The following CFAP46 variants were observed in gnomAD, a reference collection of about 807,000 sequenced individuals.
CFAP46 encodes cilia- and flagella-associated protein 46.
Under a neutral mutation model 325.7 loss-of-function variants are expected in CFAP46, and 245 were observed. The ratio of observed to expected loss-of-function variants is 0.75; its 90% CI spans 0.68 to 0.84. CFAP46 has a LOEUF of 0.84. Among genes scored for constraint, CFAP46 ranks in the 40% least tolerant of loss-of-function variants. The pLI, the probability that CFAP46 is intolerant of heterozygous loss-of-function variation, is 0.00. For missense variants in CFAP46, 3,346 were observed against 3,543.0 expected, an observed-to-expected ratio of 0.94 and a Z score of 1.41; for synonymous variants, 1,523 against 1,495.9, an observed-to-expected ratio of 1.02 and a Z score of -0.42.
At chr10:132,879,279 G>T in intron 29 of CFAP46, 147 bp downstream of exon 29, 1 of 755,314 alleles carries the variant, frequency 1.3e-6, no homozygotes, top group Non-Finnish European at 2.0e-6. Flanking sequence ...GAATCTGGAT[G>T]TCGCAGGAAA....
intron 25 of CFAP46, among the ~76,000 whole-genome samples, chr10:132,888,315 ACCTTCACCCCTGCCG>A (rs1849197500): frequency 8.7e-6 from 1 of 114,400 alleles, no homozygotes; most frequent in Admixed American, 8.1e-5. Context: ...TACCCCTGCC[ACCTTCACCCCTGCCG>A]CCTGCACCTG....
rs1044686929 is a variant in CFAP46 at position 132,916,611 on chromosome 10, G to A, written c.2058C>T (p.Ser686=). The A allele has an allele frequency of 1.3e-6, 2 of 1,545,418 alleles. No homozygotes were observed. Among genetic ancestry groups the A allele is most frequent in the Non-Finnish European group, 8.7e-7 (1 of 1,144,564 alleles). ...CAGGCACGTAGCCAGCTGGGTGCTG[G>A]CTCAGGTCTTCGGGGGGGATGGCCC... ...NDRAIPPEDL[S]QHPAGYVPEP... is the part of the protein sequence containing the mutation. Residue 686 remains serine (S), a synonymous_variant, in exon 17 of 58, where the codon AGC becomes AGT. Coordinates refer to ENST00000368586, the MANE Select transcript of CFAP46 (RefSeq NM_001200049.3).
Position 132,810,965 on chromosome 10 carries a change from C to T in CFAP46, c.7568G>A (p.Ser2523Asn), listed in dbSNP as rs1362117180. The part of the protein sequence containing the change: ...SYQSLKRHME[S>N]VEHRRSVGRW... ...AGCCAGGCACCTCCTGTGCTCCACG[C>T]TCTCCATGTGCCTCTTCAAGCTCTG... Residue 2523 changes from serine to asparagine, a missense_variant, in exon 56 of 58, where the codon AGC becomes AAC. By Grantham distance (46) the Ser-to-Asn change is conservative. Coordinates refer to ENST00000368586, the MANE Select transcript of CFAP46 (RefSeq NM_001200049.3). The T allele has an allele frequency of 5.0e-6, 8 of 1,604,314 alleles. No homozygotes were observed. The highest frequency in any genetic ancestry group is 6.8e-6 in the Non-Finnish European group (8 of 1,175,532).
chr10:132,910,714 CT>C (rs1484799589), intron 19 of CFAP46, among the ~76,000 whole-genome samples: 1 of 152,216 alleles, frequency 6.6e-6, no homozygotes, highest in Non-Finnish European at 1.5e-5. Flanking sequence ...CTCTCGCTGC[CT>C]TGTGAACACC....
rs996875879 is a variant in CFAP46, at chr10:132,886,555, C to T, written c.3305-596G>A. Among the ~76,000 whole-genome samples the T allele has an allele frequency of 5.9e-5, 9 of 152,176 alleles. No individual in the cohort carries two copies. Among genetic ancestry groups the T allele is most frequent in the Non-Finnish European group, 7.4e-5 (5 of 68,014 alleles). ...TGGGCCATCAGTGCCCCCAAATGCA[C>T]GAAGCCAGCAGGGTGGATCCTGGTG... On this transcript the variant is annotated intron_variant, in intron 25 of 57. Transcript: ENST00000368586. This position sits in a 1 kb window ranked among gnomAD's most constrained non-coding sequence, Gnocchi z 5.8.
chr10:132,842,159 T>C (rs559995128), intron 44 of CFAP46, among the ~76,000 whole-genome samples: 4 of 152,360 alleles, frequency 2.6e-5, no homozygotes, highest in African/African-American at 9.6e-5. Context: ...GTGTAGTGGT[T>C]AGAAGTAGCC....
Position 132,912,823 on chromosome 10 carries a change from G to A in CFAP46, c.2334-3C>T, listed in dbSNP as rs989028069. The A allele has an allele frequency of 4.6e-5, 71 of 1,548,020 alleles. 1 individual carries two copies. The highest frequency in any genetic ancestry group is 5.7e-5 in the Non-Finnish European group (65 of 1,146,532). ...GCGTCACCAGCATCACGGGGTCCCT[G>A]GGAGACATGCTTGTCAGAGGGAACC... On this transcript the variant is annotated splice_region_variant and splice_polypyrimidine_tract_variant and intron_variant, in intron 18 of 57. Transcript: ENST00000368586.
At position 132,877,178 on chromosome 10, in the gene CFAP46, G is replaced by A. The variant is rs185646774; in HGVS notation, c.4213-217C>T. Among the ~76,000 whole-genome samples, 252 of 152,318 alleles carry A rather than the reference G, an allele frequency of 1.7e-3. No individual in the cohort carries two copies. Among genetic ancestry groups the A allele is most frequent in the African/African-American group, 5.1e-3 (213 of 41,578 alleles). On this transcript the variant is annotated intron_variant, in intron 30 of 57. Transcript: ENST00000368586. This position sits in a 1 kb window ranked among gnomAD's most constrained non-coding sequence, Gnocchi z 5.7. Reference sequence around the variant, plus strand: ...TCTGCCCCGTGCACAGCCAGAGTTGGCCTGGGGGTGCCCAGGCTCAGGACT... The same window carrying A: ...TCTGCCCCGTGCACAGCCAGAGTTGACCTGGGGGTGCCCAGGCTCAGGACT...
chr10:132,872,963 A>G, intron 31 of CFAP46, 139 bp from the exon 32 acceptor site: 1 of 922,504 alleles, frequency 1.1e-6, no homozygotes, highest in African/African-American at 1.6e-5. Context: ...GCGTGTCCGC[A>G]CACAGCAGGT....
intron 50 of CFAP46, among the ~76,000 whole-genome samples, chr10:132,831,790 A>G (rs934658044): frequency 6.6e-6 from 1 of 151,472 alleles, no homozygotes; most frequent in Non-Finnish European, 1.5e-5. Context: ...TATTTTTCCT[A>G]TCTGTTCTCT....
chr10:132,885,462 T>C (rs552592889), intron 26 of CFAP46, among the ~76,000 whole-genome samples, 176 bp from the exon 27 acceptor site: 5 of 151,600 alleles, frequency 3.3e-5, no homozygotes, highest in Non-Finnish European at 5.9e-5. Flanking sequence ...AGCGGGGGCC[T>C]CGGGGCTATG....
chr10:132,845,835 G>A (rs747334464), intron 44 of CFAP46, among the ~76,000 whole-genome samples: 7 of 152,144 alleles, frequency 4.6e-5, no homozygotes, highest in Admixed American at 6.5e-5. Flanking sequence ...CAACCTCACC[G>A]CACCCACCAC....
rs546778779 is a variant in CFAP46 at position 132,856,986 on chromosome 10, G to A, written c.5574+604C>T. Among the ~76,000 whole-genome samples the A allele has an allele frequency of 2.4e-4, 37 of 152,282 alleles. No individual in the cohort carries two copies. The South Asian group carries it at 5.4e-3, about 22-fold the overall frequency. On this transcript the variant is annotated intron_variant, in intron 39 of 57. Transcript: ENST00000368586. The stretch of plus-strand genomic sequence containing the variant: ...AGGGTCTCTCAGGCAGGTCTGGAGC[G>A]GGGCTCACCCAGGCCTAATGACCCC...
At chr10:132,915,948 T>C (rs1392409575) in intron 17 of CFAP46, among the ~76,000 whole-genome samples, 2 of 152,236 alleles carry the variant, frequency 1.3e-5, no homozygotes, top group East Asian at 3.8e-4. Context: ...AAATATTTAA[T>C]TTTATATTAA....
chr10:132,857,191 G>A (rs192702251), intron 39 of CFAP46, among the ~76,000 whole-genome samples: 5 of 152,172 alleles, frequency 3.3e-5, no homozygotes, highest in African/African-American at 9.7e-5. Flanking sequence ...GGACACTCCG[G>A]GGCCTCCCTC....
chr10:132,864,611 G>A lies in CFAP46; in HGVS notation c.4890+1414C>T, dbSNP rs111304385. Among the ~76,000 whole-genome samples, 78 of 50,486 alleles carry A rather than the reference G, an allele frequency of 1.5e-3. 1 individual carries two copies. Among genetic ancestry groups the A allele is most frequent in the Non-Finnish European group, 1.8e-3 (52 of 28,626 alleles). The allele number at this position is 50,486 out of a possible 152,430, so 33.1% of individuals were successfully genotyped here. On this transcript the variant is annotated intron_variant, in intron 35 of 57. Transcript: ENST00000368586. ...TGAGACCTGCACACACCTGCCCTCA[G>A]TGCCCGAGACTTGCACACACCTGTC...
At chr10:132,824,560 CTGTG>C (rs1219636142) in intron 50 of CFAP46, among the ~76,000 whole-genome samples, 1 of 91,828 alleles carries the variant, frequency 1.1e-5, no homozygotes, top group Non-Finnish European at 2.0e-5. Flanking sequence ...CTGATGTGTG[CTGTG>C]TGTGTGCTGT....
At chr10:132,842,099 C>T (rs1848355335) in intron 44 of CFAP46, among the ~76,000 whole-genome samples, 1 of 152,210 alleles carries the variant, frequency 6.6e-6, no homozygotes, top group Non-Finnish European at 1.5e-5. Context: ...GCTCACTTTT[C>T]TTTTGATGAT....
chr10:132,922,624 CT>C lies in CFAP46; in HGVS notation c.1340del (p.Glu447GlyfsTer67). 3 of 1,549,748 alleles carry C rather than the reference CT, an allele frequency of 1.9e-6. No individual in the cohort carries two copies. The highest frequency in any genetic ancestry group is 1.4e-5 in the African/African-American group (1 of 73,192). ...EDEDRLEPAT[E>X]HLRKAARLDS... ...CCAGGCGCGCGGCTTTCCGGAGGTG[CT>C]CCGTGGCGGGCTCCAGCCGGTCCTC... On this transcript the variant is annotated frameshift_variant, in exon 12 of 58. Coordinates refer to ENST00000368586, the MANE Select transcript of CFAP46 (RefSeq NM_001200049.3). LOFTEE classifies it high-confidence loss of function.
Sources: allele counts gnomAD v4.1 joint callset (sites outside exome capture counted in the v4.1 genomes callset), GRCh38; gene constraint gnomAD v4.1.1; non-coding constraint Gnocchi (gnomAD v3.1); transcripts MANE v1.5; gene names NCBI Gene and HGNC (gene_info 2026-07-23, HGNC 2026-07-21).